Variants in KCTD20 observed in about 807,000 individuals in gnomAD.
KCTD20 encodes BTB/POZ domain-containing protein KCTD20.
KCTD20 carries 30 observed loss-of-function variants against 39.6 expected under a neutral mutation model. The observed-to-expected ratio is 0.76, with a 90% confidence interval of 0.57 to 1.03. KCTD20 has a LOEUF of 1.03. Among genes scored for constraint, KCTD20 ranks in the 50% least tolerant of loss-of-function variants. The probability of loss-of-function intolerance (pLI) is 0.00; values close to 1 mark genes in which losing one functional copy is unlikely to be tolerated. For missense variants in KCTD20, 422 were observed against 522.0 expected (o/e 0.81, Z 1.87); for synonymous variants, 162 against 180.6 (o/e 0.90, Z 0.83).
At chr6:36,477,942 A>C (rs1040488057) in intron 3 of KCTD20, among the ~76,000 whole-genome samples, 1 of 151,474 alleles carries the variant, frequency 6.6e-6, no homozygotes, top group Non-Finnish European at 1.5e-5. Flanking sequence ...AAATACAAAA[A>C]AAATTAGCCG....
At chr6:36,450,559 C>T (rs1341655722) in intron 1 of KCTD20, among the ~76,000 whole-genome samples, 1 of 152,052 alleles carries the variant, frequency 6.6e-6, no homozygotes, top group Admixed American at 6.6e-5. Flanking sequence ...ATGTCCTACG[C>T]CATGAGGCCC....
chr6:36,458,541 C>CAAAAA (rs1174858102), intron 1 of KCTD20, among the ~76,000 whole-genome samples: 13 of 66,798 alleles, frequency 1.9e-4, no homozygotes, highest in Non-Finnish European at 2.9e-4. Flanking sequence ...AACTCCATCT[C>CAAAAA]AAAAAAAAAA....
In KCTD20 at chr6:36,487,234, G is replaced by A. The variant is rs1439883902; in HGVS notation, c.*59G>A. ...ATCTCACCTGGGATGCCTGCAGCCAGCCCTCCCTCGTGATTTGTCTCACCT... is the reference window on the plus strand; with the variant it reads ...ATCTCACCTGGGATGCCTGCAGCCAACCCTCCCTCGTGATTTGTCTCACCT... On this transcript the variant is annotated 3_prime_UTR_variant, in exon 8 of 8. Transcript: ENST00000373731. 3 of 1,531,100 alleles carry A rather than the reference G, an allele frequency of 2.0e-6. No homozygotes were observed. Among genetic ancestry groups the A allele is most frequent in the East Asian group, 2.3e-5 (1 of 44,290 alleles). The allele number at this position is 1,531,100 out of a possible 1,614,324, so 94.8% of individuals were successfully genotyped here.
intron 2 of KCTD20, among the ~76,000 whole-genome samples, chr6:36,471,844 C>CT (rs1363095779): frequency 6.7e-6 from 1 of 150,330 alleles, no homozygotes; most frequent in African/African-American, 2.4e-5. Context: ...ATTCTGGTAT[C>CT]TATTTCTTTT....
intron 1 of KCTD20, among the ~76,000 whole-genome samples, chr6:36,448,041 T>TA (rs1775113630): frequency 1.0e-5 from 1 of 95,320 alleles, no homozygotes; most frequent in Admixed American, 9.6e-5. Flanking sequence ...ATATATATAT[T>TA]TGAAATACTG....
chr6:36,457,253 G>A (rs1003738054), intron 1 of KCTD20, among the ~76,000 whole-genome samples: 2 of 152,036 alleles, frequency 1.3e-5, no homozygotes, highest in Admixed American at 6.5e-5. Flanking sequence ...AATTAATGAA[G>A]ATACTATTTA....
chr6:36,481,363 T>C (rs973944946), intron 5 of KCTD20, among the ~76,000 whole-genome samples, 199 bp from the exon 6 acceptor site: 9 of 152,126 alleles, frequency 5.9e-5, no homozygotes, highest in Admixed American at 3.3e-4. Flanking sequence ...CATGAGTAAA[T>C]TGAAGAGTGG....
At chr6:36,444,326 C>T (rs1396323665) in intron 1 of KCTD20, among the ~76,000 whole-genome samples, 1 of 152,216 alleles carries the variant, frequency 6.6e-6, no homozygotes, top group Non-Finnish European at 1.5e-5. Flanking sequence ...CTGCCCTAAA[C>T]CAGTCGTAGG....
rs923544094 is a variant in KCTD20, at chr6:36,472,070, G to A, written c.160+1813G>A. On this transcript the variant is annotated intron_variant, in intron 2 of 7. Transcript: ENST00000373731. ...TCACTGTGTTAGCCAGGATGGTCTC[G>A]ATCTCCTGACCTCATGATCCGCCCG... is the stretch of plus-strand genomic sequence containing the variant. Among the ~76,000 whole-genome samples, 3 of 152,142 alleles carry A rather than the reference G, an allele frequency of 2.0e-5. No homozygotes were observed. In the South Asian group the frequency reaches 6.2e-4, roughly 31 times the overall value.
At chr6:36,461,792 T>C (rs1025966275) in intron 1 of KCTD20, among the ~76,000 whole-genome samples, 6 of 152,030 alleles carry the variant, frequency 3.9e-5, no homozygotes, top group African/African-American at 1.4e-4. Context: ...GACAGGAAAA[T>C]TTATCCAAGC....
At chr6:36,477,481 CTTTTT>C (rs760205169) in intron 3 of KCTD20, among the ~76,000 whole-genome samples, 1 of 130,938 alleles carries the variant, frequency 7.6e-6, no homozygotes, top group Admixed American at 7.7e-5. Context: ...ATTTTCTTTT[CTTTTT>C]TTTTTTTTTT....
rs1301006315 is a variant in KCTD20, at chr6:36,474,954, G to A, written c.326G>A (p.Ser109Asn). 1 of 1,614,016 alleles carries A rather than the reference G, an allele frequency of 6.2e-7. No homozygotes were observed. Among genetic ancestry groups the A allele is most frequent in the African/African-American group, 1.3e-5 (1 of 74,918 alleles). Reference sequence around the variant, plus strand: ...GGAAACAGTAGTGTGGGCTTTGGCAGTAATTCCCATTCCCAAGCACCAGAG... The same window carrying A: ...GGAAACAGTAGTGTGGGCTTTGGCAATAATTCCCATTCCCAAGCACCAGAG... ...RFGNSSVGFGSNSHSQAPEKV... is the reference protein window; with the variant it reads ...RFGNSSVGFGNNSHSQAPEKV... Residue 109 changes from serine (S) to asparagine (N), a missense_variant, in exon 3 of 8, where the codon AGT (serine) becomes AAT (asparagine). Transcript: ENST00000373731.
chr6:36,478,328 G>A (rs114892399), intron 3 of KCTD20, among the ~76,000 whole-genome samples: 2,436 of 152,204 alleles, frequency 0.016, 31 homozygotes, highest in Non-Finnish European at 0.024. Context: ...GAAGTCATGG[G>A]GTCATTTAGA....
chr6:36,482,943 CT>C (rs1349621133), intron 6 of KCTD20, among the ~76,000 whole-genome samples: 1 of 111,470 alleles, frequency 9.0e-6, no homozygotes, highest in African/African-American at 4.1e-5. Flanking sequence ...AAGACTACGT[CT>C]CAAAAAAAAA....
At chr6:36,472,619 C>T (rs1775946065) in intron 2 of KCTD20, among the ~76,000 whole-genome samples, 2 of 150,598 alleles carry the variant, frequency 1.3e-5, no homozygotes, top group South Asian at 2.1e-4. Flanking sequence ...GGTGATGGGG[C>T]GTATGTATTA....
At chr6:36,467,731 G>A (rs541169973) in intron 1 of KCTD20, among the ~76,000 whole-genome samples, 1 of 152,174 alleles carries the variant, frequency 6.6e-6, no homozygotes, top group South Asian at 2.1e-4. Flanking sequence ...AGTACGCTCT[G>A]ATCTTACTCG....
At chr6:36,466,703 T>C (rs2127441879) in intron 1 of KCTD20, among the ~76,000 whole-genome samples, 1 of 152,188 alleles carries the variant, frequency 6.6e-6, no homozygotes, top group South Asian at 2.1e-4. Context: ...CCTTTTTTTT[T>C]TCCCCGCCTT....
At chr6:36,467,036 G>C (rs1296442419) in intron 1 of KCTD20, among the ~76,000 whole-genome samples, 2 of 152,106 alleles carry the variant, frequency 1.3e-5, no homozygotes, top group African/African-American at 4.8e-5. Context: ...GGCTGGGTGT[G>C]GTCGTGCACA....
At position 36,469,365 on chromosome 6, in the gene KCTD20, T is replaced by TG. The variant is rs1775847154; in HGVS notation, c.-46-682dup. ...TGGCATCTCCATCCTGCCTCATCAC[T>TG]GGGGGTCTTGCACGTGGCAGTCACA... On this transcript the variant is annotated intron_variant, in intron 1 of 7. Transcript: ENST00000373731. This position sits in a 1 kb window ranked among gnomAD's most constrained non-coding sequence, Gnocchi z 4.6. Among the ~76,000 whole-genome samples the TG allele has an allele frequency of 6.6e-6, 1 of 152,180 alleles. No homozygotes were observed. The highest frequency in any genetic ancestry group is 1.9e-4 in the East Asian group (1 of 5,204).
Sources: allele counts gnomAD v4.1 joint callset (sites outside exome capture counted in the v4.1 genomes callset), GRCh38; gene constraint gnomAD v4.1.1; non-coding constraint Gnocchi (gnomAD v3.1); transcripts MANE v1.5; gene names NCBI Gene and HGNC (gene_info 2026-07-23, HGNC 2026-07-21).